Variants in ZSCAN25 observed in about 807,000 individuals in gnomAD.
ZSCAN25 encodes zinc finger and SCAN domain containing 25, also known as zinc finger and SCAN domain-containing protein 25.
In ZSCAN25, 27 loss-of-function variants were observed where a neutral mutation model predicts 38.7. The observed-to-expected ratio is 0.70, with a 90% CI of 0.51 to 0.96. The LOEUF (loss-of-function observed/expected upper bound fraction) is 0.96. Among genes scored for constraint, ZSCAN25 ranks in the 40% least tolerant of loss-of-function variants. ZSCAN25 has a pLI of 0.00. For missense variants in ZSCAN25, 637 were observed against 705.9 expected, an observed-to-expected ratio of 0.90 and a Z score of 1.11; for synonymous variants, 273 against 277.7, an observed-to-expected ratio of 0.98 and a Z score of 0.17.
chr7:99,691,102 A>G, the ZSCAN25 span, among the ~76,000 whole-genome samples: 4 of 152,262 alleles, frequency 2.6e-5, no homozygotes, highest in South Asian at 6.2e-4. Context: ...ACCATGGAAT[A>G]CTATGCAGCC....
At chr7:99,710,724 C>G in the ZSCAN25 span, 1 of 1,613,796 alleles carries the variant, frequency 6.2e-7, no homozygotes, top group Non-Finnish European at 8.5e-7. Context: ...CATGTACTGT[C>G]CACTCACCTT....
chr7:99,660,244 T>TAA, the ZSCAN25 span: 1 of 912,464 alleles, frequency 1.1e-6, no homozygotes, highest in Non-Finnish European at 1.3e-6. Flanking sequence ...TTTTTTTTTT[T>TAA]TACTTAGCAT....
the ZSCAN25 span, chr7:99,667,018 C>T: frequency 6.2e-7 from 1 of 1,614,138 alleles, no homozygotes; most frequent in East Asian, 2.2e-5. Context: ...ATTCTTCATC[C>T]TCAGCTAAAG....
the ZSCAN25 span, chr7:99,708,940 A>G: frequency 1.5e-6 from 2 of 1,375,780 alleles, no homozygotes; most frequent in East Asian, 2.3e-5. Context: ...AAAGACAAGC[A>G]AACGATTGTA....
At chr7:99,663,864 CTCTG>C in the ZSCAN25 span, 1 of 1,443,620 alleles carries the variant, frequency 6.9e-7, no homozygotes, top group Non-Finnish European at 9.1e-7. Flanking sequence ...AACATAAGTT[CTCTG>C]TCTTTATTTT....
At chr7:99,637,182 G>T (rs1409093752), downstream of ZSCAN25, among the ~76,000 whole-genome samples, 3 of 152,064 alleles carry the variant, frequency 2.0e-5, no homozygotes, top group East Asian at 3.8e-4. Context: ...TTTCAACTAG[G>T]TAAAAGGTGC....
At chr7:99,660,012 C>T in the ZSCAN25 span, 2 of 170,520 alleles carry the variant, frequency 1.2e-5, no homozygotes, top group Admixed American at 6.5e-5. Context: ...CTTGCACTTC[C>T]CAGGTGAGGT....
the ZSCAN25 span, chr7:99,705,544 CA>C: frequency 6.2e-7 from 1 of 1,613,712 alleles, no homozygotes; most frequent in South Asian, 1.1e-5. Context: ...GCCTTTAGAA[CA>C]ATGGGTTTTT....
the ZSCAN25 span, among the ~76,000 whole-genome samples, chr7:99,651,794 C>A: frequency 6.6e-6 from 1 of 152,154 alleles, no homozygotes. Flanking sequence ...CCCTGAATTC[C>A]CAGAAGAGCA....
chr7:99,699,479 A>G, the ZSCAN25 span, among the ~76,000 whole-genome samples: 2 of 152,092 alleles, frequency 1.3e-5, no homozygotes, highest in African/African-American at 4.8e-5. Context: ...GGGAGCAGGA[A>G]CCACCAGGTC....
chr7:99,620,148 G>A (rs879660288), intron 4 of ZSCAN25, 155 bp downstream of exon 4: 105 of 1,138,846 alleles, frequency 9.2e-5, no homozygotes, highest in Middle Eastern at 6.0e-4. Context: ...GAGCAGTGGC[G>A]TTTTCAGCAA....
the ZSCAN25 span, among the ~76,000 whole-genome samples, chr7:99,639,945 T>C: frequency 1.3e-5 from 2 of 152,134 alleles, no homozygotes; most frequent in African/African-American, 2.4e-5. Context: ...CATGCGTCTG[T>C]AGTCCCAGCT....
chr7:99,700,216 A>G, the ZSCAN25 span, among the ~76,000 whole-genome samples: 4 of 152,192 alleles, frequency 2.6e-5, no homozygotes, highest in Non-Finnish European at 5.9e-5. Flanking sequence ...AAAGAATCGC[A>G]CACACCCCTT....
At chr7:99,695,092 G>T in the ZSCAN25 span, among the ~76,000 whole-genome samples, 1 of 152,070 alleles carries the variant, frequency 6.6e-6, no homozygotes, top group Non-Finnish European at 1.5e-5. Context: ...CCCATAAGGT[G>T]CAGCCTTTGA....
rs1396070985 is a variant in ZSCAN25, at chr7:99,629,712, A to G, written c.1327A>G (p.Arg443Gly). The change falls in exon 8 of 8, where the codon AGG becomes GGG. Residue 443 changes from arginine to glycine, a missense_variant. Transcript: ENST00000394152. The surrounding 1 kb of genome is among the most constrained non-coding windows in gnomAD (Gnocchi z 5.6). ...CGDCWKSFSR[R>G]QHLQVHRRTH... ...GGACTGCTGGAAGAGCTTCAGCCGC[A>G]GGCAGCACCTGCAGGTGCACCGGAG... 6.2e-7 allele frequency: 1 copy of G among 1,614,134 alleles called. No individual in the cohort carries two copies.
At chr7:99,639,025 G>A in the ZSCAN25 span, among the ~76,000 whole-genome samples, 1 of 152,250 alleles carries the variant, frequency 6.6e-6, no homozygotes, top group South Asian at 2.1e-4. Context: ...CGGCCCGGCT[G>A]TCCTGGTTGT....
chr7:99,707,687 T>A, the ZSCAN25 span: 421 of 1,474,836 alleles, frequency 2.9e-4, 3 homozygotes, highest in East Asian at 5.0e-4. Context: ...TGGGTCCAAA[T>A]AGATTCCTTG....
At chr7:99,623,094 C>A (rs1807136505) in intron 6 of ZSCAN25, among the ~76,000 whole-genome samples, 1 of 152,220 alleles carries the variant, frequency 6.6e-6, no homozygotes, top group Non-Finnish European at 1.5e-5. Context: ...GCATGAGCCA[C>A]CGCGCCCAGC....
At chr7:99,671,116 TTTGTGTGTGTGTGTGTG>T in the ZSCAN25 span, 1 of 112,174 alleles carries the variant, frequency 8.9e-6, no homozygotes, top group African/African-American at 3.7e-5. Flanking sequence ...ACACAGACCA[TTTGTGTGTGTGTGTGTG>T]TGTGTGTGTG....
Sources: gnomAD v4.1 joint callset for allele counts (sites outside exome capture counted in the v4.1 genomes callset) on GRCh38, gnomAD v4.1.1 for gene constraint, Gnocchi (gnomAD v3.1) non-coding constraint, MANE v1.5 for transcripts, NCBI Gene and HGNC (gene_info 2026-07-23, HGNC 2026-07-21) for gene names.